The following TUBA8 variants were observed in gnomAD, a reference collection of about 807,000 sequenced individuals.
TUBA8 encodes tubulin alpha 8, also known as tubulin alpha-8 chain.
A neutral mutation model predicts 34.7 loss-of-function variants in TUBA8; 29 were observed. The observed-to-expected ratio is 0.84, with a 90% CI of 0.62 to 1.14. TUBA8 has a LOEUF of 1.14. TUBA8 is among the 50% of genes most tolerant of loss of function. The probability of loss-of-function intolerance (pLI) is 0.00; values close to 1 mark genes in which losing one functional copy is unlikely to be tolerated. For synonymous variants in TUBA8, 226 were observed against 231.2 expected (o/e 0.98, Z 0.21); for missense variants, 541 against 599.2 (o/e 0.90, Z 1.01).
In TUBA8 at chr22:18,126,368, T is replaced by C; in HGVS notation, c.390T>C (p.Ser130=). The C allele has an allele frequency of 6.2e-7, 1 of 1,614,206 alleles. No homozygotes were observed. ...DRIRKLTDAC[S]GLQGFLIFHS... is the part of the protein sequence containing the mutation. The stretch of plus-strand genomic sequence containing the variant: ...GCTCTCCCTAGACAGATGCTTGCTC[T>C]GGCCTGCAGGGCTTCCTGATTTTCC... Residue 130 remains serine (S), a synonymous_variant, in exon 4 of 5, where the codon TCT becomes TCC. Coordinates refer to ENST00000330423, the MANE Select transcript of TUBA8 (RefSeq NM_018943.3). This position sits in a 1 kb window ranked among gnomAD's most constrained non-coding sequence, Gnocchi z 4.0.
chr22:18,121,521 A>G lies in TUBA8; in HGVS notation c.46A>G (p.Ile16Val). ...CCACGTGGGCCAAGCGGGAGTTCAG[A>G]TTGGCAATGCCTGCTGGGAGCTCTT... ...SVHVGQAGVQ[I>V]GNACWELFCL... The change falls in exon 2 of 5, where the codon ATT (isoleucine) becomes GTT (valine). Residue 16 changes from isoleucine to valine, a missense_variant. Transcript: ENST00000330423. This position sits in a 1 kb window ranked among gnomAD's most constrained non-coding sequence, Gnocchi z 4.8. 1.9e-6 allele frequency: 3 copies of G among 1,614,150 alleles called. No individual in the cohort carries two copies. The highest frequency in any genetic ancestry group is 1.7e-6 in the Non-Finnish European group (2 of 1,180,030).
intron 1 of TUBA8, chr22:18,114,838 G>A (rs1224585705): frequency 6.6e-6 from 1 of 152,062 alleles, no homozygotes; most frequent in African/African-American, 2.4e-5. Flanking sequence ...GTGATACTTG[G>A]AAATAGTATC....
chr22:18,111,025 G>A lies in TUBA8; in HGVS notation c.3+157G>A. 9.0e-7 allele frequency: 1 copy of A among 1,117,306 alleles called. No individual in the cohort carries two copies. The highest frequency in any genetic ancestry group is 1.3e-6 in the Non-Finnish European group (1 of 775,562). 69.2% of individuals were successfully genotyped at this position (1,117,306 alleles called of 1,614,324 possible). Reference sequence around the variant, plus strand: ...CAGGGTCGAGGAGTCCGCACCCTCGGGCGGGAACACCCGGTGCCCTTTATC... The same window carrying A: ...CAGGGTCGAGGAGTCCGCACCCTCGAGCGGGAACACCCGGTGCCCTTTATC... On this transcript the variant is annotated intron_variant, in intron 1 of 4. Transcript: ENST00000330423. This position sits in a 1 kb window ranked among gnomAD's most constrained non-coding sequence, Gnocchi z 5.1.
In TUBA8 at chr22:18,121,376, G is replaced by T. The variant is rs762517657; in HGVS notation, c.4-103G>T. 3 of 1,030,904 alleles carry T rather than the reference G, an allele frequency of 2.9e-6. No homozygotes were observed. The highest frequency in any genetic ancestry group is 4.6e-6 in the Non-Finnish European group (3 of 656,918). 63.9% of individuals were successfully genotyped at this position (1,030,904 alleles called of 1,614,324 possible). On this transcript the variant is annotated intron_variant, in intron 1 of 4. Transcript: ENST00000330423. The surrounding 1 kb of genome is among the most constrained non-coding windows in gnomAD (Gnocchi z 4.8). ...CCTCAACGCCAACTGGCAATGGGGG[G>T]CTGGGGCCTGGCTGGCCTGCAAGGT...
chr22:18,115,548 T>C (rs998711476), intron 1 of TUBA8: 1 of 152,236 alleles, frequency 6.6e-6, no homozygotes, highest in South Asian at 2.1e-4. Context: ...AGAGCTTACG[T>C]TCTCTACTAG....
chr22:18,114,584 T>A (rs1927908683), intron 1 of TUBA8: 1 of 152,228 alleles, frequency 6.6e-6, no homozygotes, highest in Non-Finnish European at 1.5e-5. Context: ...TAATTACCCC[T>A]CTGTGACACT....
Position 18,126,694 on chromosome 22 carries a change from C to T in TUBA8, c.716C>T (p.Thr239Ile). 3 of 1,614,214 alleles carry T rather than the reference C, an allele frequency of 1.9e-6. No individual in the cohort carries two copies. The highest frequency in any genetic ancestry group is 2.5e-6 in the Non-Finnish European group (3 of 1,180,040). The change falls in exon 4 of 5, where the codon ACT becomes ATT. Residue 239 changes from threonine to isoleucine, a missense_variant. By Grantham distance (89) the Thr-to-Ile change is moderately conservative. Transcript: ENST00000330423. The surrounding 1 kb of genome is among the most constrained non-coding windows in gnomAD (Gnocchi z 4.0). ...ATCAGTCAGATTGTGTCCTCAATCA[C>T]TGCTTCTCTCCGCTTTGACGGGGCC... ...RLISQIVSSI[T>I]ASLRFDGALN... is the part of the protein sequence containing the mutation.
Position 18,121,758 on chromosome 22 carries a change from G to A in TUBA8, c.226+57G>A, listed in dbSNP as rs1178343234. On this transcript the variant is annotated intron_variant, in intron 2 of 4. Transcript: ENST00000330423. The surrounding 1 kb of genome is among the most constrained non-coding windows in gnomAD (Gnocchi z 4.8). The stretch of plus-strand genomic sequence containing the variant: ...AACATCTCGAAACTGCAGAGGCATT[G>A]GCCCACAGTAGCTAAGGAAGCAGCG... The A allele has an allele frequency of 6.5e-7, 1 of 1,533,830 alleles. No individual in the cohort carries two copies. Among genetic ancestry groups the A allele is most frequent in the African/African-American group, 1.4e-5 (1 of 73,362 alleles).
intron 1 of TUBA8, chr22:18,113,042 A>C (rs1927860501): frequency 1.3e-5 from 2 of 152,176 alleles, no homozygotes; most frequent in African/African-American, 2.4e-5. Flanking sequence ...TCGATTTGGA[A>C]TTTCTGTAGG....
rs1310004415 is a variant in TUBA8, at chr22:18,121,906, A to G, written c.226+205A>G. 15 of 583,620 alleles carry G rather than the reference A, an allele frequency of 2.6e-5. No individual in the cohort carries two copies. Among genetic ancestry groups the G allele is most frequent in the Non-Finnish European group, 4.3e-5 (14 of 329,032 alleles). The allele number at this position is 583,620 out of a possible 1,614,324, so 36.2% of individuals were successfully genotyped here. ...GACAGTGATCAAGACTCTATGCAGA[A>G]CAAAATGCCTCCCACTTCAACCCCA... On this transcript the variant is annotated intron_variant, in intron 2 of 4. Transcript: ENST00000330423. The surrounding 1 kb of genome is among the most constrained non-coding windows in gnomAD (Gnocchi z 4.8).
chr22:18,127,245 T>C (rs1928358794), intron 4 of TUBA8: 2 of 578,750 alleles, frequency 3.5e-6, no homozygotes, highest in Admixed American at 6.2e-5. Context: ...AAAAGTTTGG[T>C]GCTATTTTAA....
At position 18,111,093 on chromosome 22, in the gene TUBA8, G is replaced by A; in HGVS notation, c.3+225G>A. 1 of 642,688 alleles carries A rather than the reference G, an allele frequency of 1.6e-6. No individual in the cohort carries two copies. The highest frequency in any genetic ancestry group is 2.7e-6 in the Non-Finnish European group (1 of 376,048). The allele number at this position is 642,688 out of a possible 1,614,324, so 39.8% of individuals were successfully genotyped here. ...ACCAGGGGCCAGTTGTTCCTTAAAG[G>A]GACCTAAGGGAGCTTTGCGTGCAGA... On this transcript the variant is annotated intron_variant, in intron 1 of 4. Transcript: ENST00000330423. The surrounding 1 kb of genome is among the most constrained non-coding windows in gnomAD (Gnocchi z 5.1).
Position 18,119,990 on chromosome 22 carries a change from C to T in TUBA8, c.4-1489C>T, listed in dbSNP as rs1358333038. The stretch of plus-strand genomic sequence containing the variant: ...CTTCCTGCTGGGCTCAGGCGGCTGC[C>T]CCAGGCACAGTGTCGCCTTGTGTGG... On this transcript the variant is annotated intron_variant, in intron 1 of 4. Transcript: ENST00000330423. The surrounding 1 kb of genome is among the most constrained non-coding windows in gnomAD (Gnocchi z 5.9). The T allele has an allele frequency of 2.6e-5, 4 of 152,224 alleles. No individual in the cohort carries two copies. The highest frequency in any genetic ancestry group is 1.5e-5 in the Non-Finnish European group (1 of 68,060). 9.4% of individuals were successfully genotyped at this position (152,224 alleles called of 1,614,324 possible). A position where few individuals can be genotyped will look rare whatever the true frequency, so the allele number is the denominator to read the frequency against.
In TUBA8 at chr22:18,119,461, A is replaced by C. The variant is rs574105434; in HGVS notation, c.4-2018A>C. ...GTGGCTAACTTACACTTTTCAGATG[A>C]GGAGAGGCTCAGTAACTCAGCCCAG... On this transcript the variant is annotated intron_variant, in intron 1 of 4. Coordinates refer to ENST00000330423, the MANE Select transcript of TUBA8 (RefSeq NM_018943.3). The surrounding 1 kb of genome is among the most constrained non-coding windows in gnomAD (Gnocchi z 5.9). 3.3e-5 allele frequency: 5 copies of C among 152,388 alleles called. No individual in the cohort carries two copies. In the South Asian group the frequency reaches 8.3e-4, roughly 25 times the overall value. 9.4% of individuals were successfully genotyped at this position (152,388 alleles called of 1,614,324 possible).
chr22:18,129,117 T>C (rs986064801), intron 4 of TUBA8: 1 of 152,228 alleles, frequency 6.6e-6, no homozygotes, highest in African/African-American at 2.4e-5. Context: ...ACTATGCCTA[T>C]TTTTTATGTG....
chr22:18,127,323 C>A, intron 4 of TUBA8: 1 of 377,490 alleles, frequency 2.6e-6, no homozygotes, highest in Admixed American at 4.2e-5. Flanking sequence ...GGTATTGGCC[C>A]AAATCTACTC....
rs1475685022 is a variant in TUBA8 at position 18,123,960 on chromosome 22, G to A, written c.227-196G>A. 4.6e-6 allele frequency: 3 copies of A among 651,748 alleles called. No homozygotes were observed. The South Asian group carries it at 5.3e-5, about 11-fold the overall frequency. 40.4% of individuals were successfully genotyped at this position (651,748 alleles called of 1,614,324 possible). A position where few individuals can be genotyped will look rare whatever the true frequency, so the allele number is the denominator to read the frequency against. On this transcript the variant is annotated intron_variant, in intron 2 of 4. Coordinates refer to ENST00000330423, the MANE Select transcript of TUBA8 (RefSeq NM_018943.3). ...CTTCTCACCGCCCACATGAGCCACA[G>A]GCCTTGGCTCTGTTAGTCCCTGAGC... is the stretch of plus-strand genomic sequence containing the variant.
In TUBA8 at chr22:18,126,385, T is replaced by G. The variant is rs1248844070; in HGVS notation, c.407T>G (p.Leu136Arg). 2 of 1,614,178 alleles carry G rather than the reference T, an allele frequency of 1.2e-6. No homozygotes were observed. Among genetic ancestry groups the G allele is most frequent in the Non-Finnish European group, 1.7e-6 (2 of 1,180,018 alleles). ...GCTTGCTCTGGCCTGCAGGGCTTCC[T>G]GATTTTCCACAGTTTTGGTGGGGGC... is the stretch of plus-strand genomic sequence containing the variant. ...TDACSGLQGF[L>R]IFHSFGGGTG... Residue 136 changes from leucine (L) to arginine (R), a missense_variant, in exon 4 of 5, where the codon CTG (leucine) becomes CGG (arginine). By Grantham distance (102) the Leu-to-Arg change is moderately radical. Coordinates refer to ENST00000330423, the MANE Select transcript of TUBA8 (RefSeq NM_018943.3). The surrounding 1 kb of genome is among the most constrained non-coding windows in gnomAD (Gnocchi z 4.0).
Position 18,131,612 on chromosome 22 carries a change from C to T in TUBA8, c.*476C>T. 4.6e-6 allele frequency: 1 copy of T among 216,890 alleles called. No homozygotes were observed. Among genetic ancestry groups the T allele is most frequent in the South Asian group, 7.8e-5 (1 of 12,838 alleles). 13.4% of individuals were successfully genotyped at this position (216,890 alleles called of 1,614,324 possible). On this transcript the variant is annotated 3_prime_UTR_variant, in exon 5 of 5. Transcript: ENST00000330423. This position sits in a 1 kb window ranked among gnomAD's most constrained non-coding sequence, Gnocchi z 5.3. Reference sequence around the variant, plus strand: ...TAGACTTAGCATGCATTCACTCCCCCATCACATATTCCAATACACACCCTG... The same window carrying T: ...TAGACTTAGCATGCATTCACTCCCCTATCACATATTCCAATACACACCCTG...
Sources: allele counts gnomAD v4.1 joint callset, GRCh38; gene constraint gnomAD v4.1.1; non-coding constraint Gnocchi (gnomAD v3.1); transcripts MANE v1.5; gene names NCBI Gene and HGNC (gene_info 2026-07-23, HGNC 2026-07-21).